SRPX: variants seen among roughly 807,000 people sequenced by gnomAD.
SRPX encodes the protein sushi repeat containing protein X-linked.
In SRPX, 24 loss-of-function variants were observed where a neutral mutation model predicts 38.1. That is an observed-to-expected ratio of 0.63 (90% confidence interval 0.46 to 0.89). The LOEUF is 0.89. SRPX is among the 40% of genes least tolerant of loss of function. SRPX has a pLI of 0.00. For synonymous variants in SRPX, 184 were observed against 153.8 expected (o/e 1.20, Z -1.45); for missense variants, 416 against 377.8 (o/e 1.10, Z -0.84).
At chrX:38,205,464 G>T (rs1224425936) in intron 1 of SRPX, among the ~76,000 whole-genome samples, 1 of 111,208 alleles carries the variant, frequency 9.0e-6, no homozygotes, top group Non-Finnish European at 1.9e-5. Flanking sequence ...TGGGGTCTTT[G>T]GAAGAGAAGT....
chrX:38,151,561 C>T lies in SRPX; in HGVS notation c.1212-1667G>A, dbSNP rs1938015175. Among the ~76,000 whole-genome samples the T allele has an allele frequency of 2.7e-5, 3 of 111,454 alleles. No homozygotes were observed. The South Asian group carries it at 1.2e-3, about 43-fold the overall frequency. ...CCACCATCTGCTACCATACACATTC[C>T]TGTGTAAGTCTTGTGCCTTCATTGA... On this transcript the variant is annotated intron_variant, in intron 9 of 9. Transcript: ENST00000378533.
At chrX:38,188,489 T>C (rs1478316789) in intron 1 of SRPX, among the ~76,000 whole-genome samples, 2 of 112,111 alleles carry the variant, frequency 1.8e-5, no homozygotes, top group Non-Finnish European at 1.9e-5. Context: ...GCACTGCACA[T>C]ATAAAGAATA....
chrX:38,163,565 GAAC>G (rs1163729743), intron 5 of SRPX, among the ~76,000 whole-genome samples: 2 of 111,551 alleles, frequency 1.8e-5, no homozygotes, highest in Non-Finnish European at 3.8e-5. Flanking sequence ...TGCTAGATTA[GAAC>G]AACACATAGC....
At chrX:38,183,822 C>T (rs1317828778) in intron 1 of SRPX, among the ~76,000 whole-genome samples, 1 of 111,938 alleles carries the variant, frequency 8.9e-6, no homozygotes, top group African/African-American at 3.2e-5. Flanking sequence ...ACAAATTGTA[C>T]GTTGGCTCAG....
chrX:38,220,583 C>T (rs1238020891), intron 1 of SRPX, 113 bp downstream of exon 1: 9 of 1,060,020 alleles, frequency 8.5e-6, no homozygotes, highest in African/African-American at 2.0e-5. Context: ...AGGAGTTCTG[C>T]GCAAACAAAG....
chrX:38,181,964 A>T (rs1245454570), intron 1 of SRPX, among the ~76,000 whole-genome samples: 1 of 110,681 alleles, frequency 9.0e-6, no homozygotes, highest in African/African-American at 3.3e-5. Flanking sequence ...AGTCAAACTT[A>T]CTCTTTTTCC....
At chrX:38,176,092 T>A (rs1938562863) in intron 2 of SRPX, among the ~76,000 whole-genome samples, 1 of 111,438 alleles carries the variant, frequency 9.0e-6, no homozygotes, top group Non-Finnish European at 1.9e-5. Context: ...CAACTAATAA[T>A]AATATAGAAC....
Position 38,220,868 on chromosome X carries a change from G to C in SRPX, c.-76C>G. On this transcript the variant is annotated 5_prime_UTR_variant, in exon 1 of 10. Coordinates refer to ENST00000378533, the MANE Select transcript of SRPX (RefSeq NM_006307.5). ...CGGCAGGAGACCGAAGAGACCAAGG[G>C]ACTGCGTGCTAGCGGGCGGGCGAAG... 1 of 1,047,577 alleles carries C rather than the reference G, an allele frequency of 9.5e-7. No individual in the cohort carries two copies. 86.3% of individuals were successfully genotyped at this position (1,047,577 alleles called of 1,213,427 possible). A position where few individuals can be genotyped will look rare whatever the true frequency, so the allele number is the denominator to read the frequency against.
chrX:38,180,791 T>C (rs1163804996), intron 1 of SRPX, among the ~76,000 whole-genome samples: 1 of 112,460 alleles, frequency 8.9e-6, no homozygotes, highest in Non-Finnish European at 1.9e-5. Context: ...ATTCATAACA[T>C]AATAATGTTC....
chrX:38,180,997 T>C (rs1938660442), intron 1 of SRPX, among the ~76,000 whole-genome samples: 2 of 112,634 alleles, frequency 1.8e-5, no homozygotes, highest in Non-Finnish European at 3.7e-5. Flanking sequence ...CTATATACTA[T>C]ATATACGACT....
chrX:38,209,960 C>T (rs974817877), intron 1 of SRPX, among the ~76,000 whole-genome samples: 3 of 111,992 alleles, frequency 2.7e-5, no homozygotes, highest in East Asian at 2.8e-4. Flanking sequence ...CCAGTAAATG[C>T]TTCAGGAAAA....
intron 2 of SRPX, among the ~76,000 whole-genome samples, chrX:38,177,212 T>C (rs1253676994): frequency 8.9e-6 from 1 of 111,792 alleles, no homozygotes; most frequent in Admixed American, 9.5e-5. Flanking sequence ...AAGCATCTGA[T>C]TAACGTATTT....
chrX:38,180,359 C>T (rs1321119935), intron 1 of SRPX, among the ~76,000 whole-genome samples: 1 of 111,694 alleles, frequency 9.0e-6, no homozygotes, highest in Admixed American at 9.5e-5. Context: ...ACATCTAGAT[C>T]AGCCTGCCAT....
chrX:38,168,731 C>A (rs1374021620), intron 4 of SRPX, among the ~76,000 whole-genome samples: 1 of 112,390 alleles, frequency 8.9e-6, no homozygotes, highest in African/African-American at 3.2e-5. Context: ...CTTCCCCCAG[C>A]CAGAGCGTAA....
Position 38,149,980 on chromosome X carries a change from G to A in SRPX, c.1212-86C>T, listed in dbSNP as rs1035555410. 1.9e-5 allele frequency: 16 copies of A among 841,211 alleles called. 1 individual carries two copies. The highest frequency in any genetic ancestry group is 8.4e-4 in the Middle Eastern group (2 of 2,387). The allele number at this position is 841,211 out of a possible 1,213,427, so 69.3% of individuals were successfully genotyped here. A position where few individuals can be genotyped will look rare whatever the true frequency, so the allele number is the denominator to read the frequency against. ...GATCAACCAGAGCCTTACTGTGACAGTGTGCAGAGAAAGCTTTGATACAAT... is the reference window on the plus strand; with the variant it reads ...GATCAACCAGAGCCTTACTGTGACAATGTGCAGAGAAAGCTTTGATACAAT... On this transcript the variant is annotated intron_variant, in intron 9 of 9. Coordinates refer to ENST00000378533, the MANE Select transcript of SRPX (RefSeq NM_006307.5).
chrX:38,175,021 T>C (rs933966153), intron 2 of SRPX, among the ~76,000 whole-genome samples: 15 of 112,261 alleles, frequency 1.3e-4, no homozygotes, highest in African/African-American at 4.9e-4. Flanking sequence ...CCTCCCCAGA[T>C]GGCAAAGTTG....
chrX:38,188,541 T>A (rs1372761262), intron 1 of SRPX, among the ~76,000 whole-genome samples: 1 of 112,181 alleles, frequency 8.9e-6, no homozygotes, highest in Non-Finnish European at 1.9e-5. Flanking sequence ...TAGGTGTATG[T>A]GTGGTAGGGT....
At chrX:38,163,195 G>C (rs779709555) in intron 5 of SRPX, among the ~76,000 whole-genome samples, 1 of 112,431 alleles carries the variant, frequency 8.9e-6, no homozygotes, top group African/African-American at 3.2e-5. Context: ...AGTTACAATG[G>C]GAGAGCATAA....
At chrX:38,207,537 C>T (rs1285921871) in intron 1 of SRPX, among the ~76,000 whole-genome samples, 1 of 112,277 alleles carries the variant, frequency 8.9e-6, no homozygotes, top group Non-Finnish European at 1.9e-5. Context: ...TGTGGTCCTT[C>T]AAATGCTTAA....
Sources: gnomAD v4.1 joint callset for allele counts (sites outside exome capture counted in the v4.1 genomes callset) on GRCh38, gnomAD v4.1.1 for gene constraint, MANE v1.5 for transcripts, NCBI Gene and HGNC (gene_info 2026-07-23, HGNC 2026-07-21) for gene names.